AZIN1: variants seen among roughly 807,000 people sequenced by gnomAD.
The protein encoded by AZIN1 is ornithine decarboxylase antizyme inhibitor.
A neutral mutation model predicts 47.4 loss-of-function variants in AZIN1; 12 were observed. The observed-to-expected ratio is 0.25, with a 90% CI of 0.16 to 0.41. AZIN1 has a LOEUF of 0.41. Among genes scored for constraint, AZIN1 ranks in the 10% least tolerant of loss-of-function variants. The probability of loss-of-function intolerance (pLI) is 1.00; values close to 1 mark genes in which losing one functional copy is unlikely to be tolerated. For missense variants in AZIN1, 410 were observed against 532.4 expected (o/e 0.77, Z 2.26); for synonymous variants, 155 against 176.3 (o/e 0.88, Z 0.96).
In AZIN1 at chr8:102,829,887, A is replaced by G; in HGVS notation, c.954T>C (p.Asp318=). Residue 318 remains aspartate (D), a synonymous_variant, in exon 10 of 12, where the codon GAT becomes GAC. Transcript: ENST00000337198. ...TACTTGCAAAAGAACCATAAACACC[A>G]TCATTCATATAATACATGAAGGCTG... is the stretch of plus-strand genomic sequence containing the variant. ...DEPAFMYYMN[D]GVYGSFASKL... The G allele has an allele frequency of 6.2e-7, 1 of 1,613,576 alleles. No individual in the cohort carries two copies. Among genetic ancestry groups the G allele is most frequent in the Non-Finnish European group, 8.5e-7 (1 of 1,179,790 alleles).
intron 6 of AZIN1, 50 bp from the exon 7 acceptor site, chr8:102,834,797 A>C: frequency 8.0e-7 from 1 of 1,255,568 alleles, no homozygotes; most frequent in Non-Finnish European, 1.2e-6. Context: ...TTGTAGAGAC[A>C]CCTCCTGTAA....
intron 9 of AZIN1, among the ~76,000 whole-genome samples, chr8:102,832,843 T>C (rs926524738): frequency 6.6e-6 from 1 of 152,092 alleles, no homozygotes; most frequent in African/African-American, 2.4e-5. Flanking sequence ...GTTTCCACCA[T>C]ATTGGCCAGG....
At chr8:102,833,584 A>C (rs901316634) in intron 8 of AZIN1, among the ~76,000 whole-genome samples, 15 of 151,984 alleles carry the variant, frequency 9.9e-5, no homozygotes, top group African/African-American at 3.6e-4. Context: ...GAAGGTGAGA[A>C]ACAGGTGTGA....
At chr8:102,851,170 GT>G (rs1304702009) in intron 2 of AZIN1, among the ~76,000 whole-genome samples, 3 of 152,158 alleles carry the variant, frequency 2.0e-5, no homozygotes, top group Non-Finnish European at 4.4e-5. Flanking sequence ...CAATTAAGAT[GT>G]GATAACATTA....
At chr8:102,828,796 A>G in intron 11 of AZIN1, 118 bp from the exon 12 acceptor site, 1 of 642,680 alleles carries the variant, frequency 1.6e-6, no homozygotes, top group South Asian at 2.1e-5. Flanking sequence ...TTAAAAGATC[A>G]TCATTTTTCT....
At position 102,829,308 on chromosome 8, in the gene AZIN1, C is replaced by T; in HGVS notation, c.1199G>A (p.Arg400Lys). Residue 400 changes from arginine (R) to lysine (K), a missense_variant, in exon 11 of 12, where the codon AGG becomes AAG. Physicochemically the swap from Arg to Lys is conservative, Grantham distance 26. Coordinates refer to ENST00000337198, the MANE Select transcript of AZIN1 (RefSeq NM_148174.4). ...HEPSAFNDFQ[R>K]PAIYYMMSFS... ...TGACATCATGTAATAAATGGCTGGC[C>T]TCTGAAAATCATTAAAAGCAGATGG... 3 of 1,613,804 alleles carry T rather than the reference C, an allele frequency of 1.9e-6. No individual in the cohort carries two copies. Among genetic ancestry groups the T allele is most frequent in the Non-Finnish European group, 2.5e-6 (3 of 1,179,828 alleles).
intron 4 of AZIN1, among the ~76,000 whole-genome samples, chr8:102,839,275 A>G (rs1478470364): frequency 6.6e-6 from 1 of 152,202 alleles, no homozygotes; most frequent in African/African-American, 2.4e-5. Flanking sequence ...CAGCCTCTCA[A>G]AGTGGTGGGA....
intron 3 of AZIN1, among the ~76,000 whole-genome samples, chr8:102,842,710 AAAAAAAAC>A (rs1324472416): frequency 4.0e-5 from 6 of 151,216 alleles, no homozygotes; most frequent in Middle Eastern, 3.4e-3. Context: ...CCATCTCAAA[AAAAAAAAC>A]AAAAAACAAA....
chr8:102,834,549 GGT>G (rs761427582), intron 7 of AZIN1, 115 bp downstream of exon 7: 8 of 748,626 alleles, frequency 1.1e-5, no homozygotes, highest in South Asian at 1.8e-5. Context: ...ATAAAAATGA[GGT>G]GTGTGTCACG....
intron 5 of AZIN1, among the ~76,000 whole-genome samples, chr8:102,837,712 A>C (rs938424493): frequency 4.6e-5 from 7 of 152,230 alleles, no homozygotes; most frequent in African/African-American, 1.7e-4. Flanking sequence ...TTACCAGAGT[A>C]ATCAATGCTG....
intron 2 of AZIN1, among the ~76,000 whole-genome samples, chr8:102,850,959 T>G (rs1366480019): frequency 6.6e-6 from 1 of 152,156 alleles, no homozygotes; most frequent in Non-Finnish European, 1.5e-5. Flanking sequence ...CCATAAATAT[T>G]AAAATGTAGC....
intron 2 of AZIN1, among the ~76,000 whole-genome samples, chr8:102,847,401 T>A (rs1038225434): frequency 4.0e-5 from 6 of 151,726 alleles, no homozygotes; most frequent in Non-Finnish European, 8.8e-5. Flanking sequence ...TTATTTTCTT[T>A]GATGCTCTCT....
intron 2 of AZIN1, chr8:102,854,575 CG>C (rs1205305002): frequency 6.5e-5 from 8 of 123,662 alleles, no homozygotes; most frequent in Admixed American, 9.2e-5. Flanking sequence ...CCAGCCTGGG[CG>C]AAAGGAGGAG....
chr8:102,856,092 T>TG (rs1441307302), intron 2 of AZIN1: 158 of 144,938 alleles, frequency 1.1e-3, no homozygotes, highest in African/African-American at 3.7e-3. Context: ...AAGTTTTTTT[T>TG]GTTTTTTTTT....
At chr8:102,838,956 A>C (rs766388388) in intron 4 of AZIN1, 40 bp from the exon 5 acceptor site, 1 of 1,562,608 alleles carries the variant, frequency 6.4e-7, no homozygotes, top group African/African-American at 1.4e-5. Context: ...ATAATGTCAC[A>C]GTTCATATTC....
At chr8:102,855,078 G>A (rs190340216) in intron 2 of AZIN1, among the ~76,000 whole-genome samples, 57 of 152,006 alleles carry the variant, frequency 3.7e-4, no homozygotes, top group African/African-American at 1.3e-3. Context: ...TTTTGAGACG[G>A]AGATTTGCTG....
chr8:102,863,585 G>T (rs1813898793), intron 1 of AZIN1, among the ~76,000 whole-genome samples: 1 of 149,942 alleles, frequency 6.7e-6, no homozygotes, highest in African/African-American at 2.4e-5. Context: ...CAAGCGTCCA[G>T]CAGCCGCCCG....
In AZIN1 at chr8:102,840,940, G is replaced by A. The variant is rs935975782; in HGVS notation, c.103-1117C>T. On this transcript the variant is annotated intron_variant, in intron 3 of 11. Coordinates refer to ENST00000337198, the MANE Select transcript of AZIN1 (RefSeq NM_148174.4). The stretch of plus-strand genomic sequence containing the variant: ...ATCTATGGTATTCCGGAGACACAAA[G>A]TTTATATTTAATTTGGGAAAAAATA... 5.3e-5 allele frequency among the ~76,000 whole-genome samples: 8 copies of A among 151,882 alleles called. 1 individual carries two copies. The South Asian group carries it at 1.7e-3, about 32-fold the overall frequency.
rs1253871425 is a variant in AZIN1 at position 102,834,536 on chromosome 8, A to G, written c.666+130T>C. ...ACTGTACAGAGCTCTGAATGCTTAT[A>G]TAATAAAAATGAGGTGTGTGTCACG... is the stretch of plus-strand genomic sequence containing the variant. On this transcript the variant is annotated intron_variant, in intron 7 of 11. Coordinates refer to ENST00000337198, the MANE Select transcript of AZIN1 (RefSeq NM_148174.4). 6 of 705,042 alleles carry G rather than the reference A, an allele frequency of 8.5e-6. No homozygotes were observed. The Admixed American group carries it at 1.8e-4, about 21-fold the overall frequency. 43.7% of individuals were successfully genotyped at this position (705,042 alleles called of 1,614,324 possible).
Sources: gnomAD v4.1 joint callset for allele counts (sites outside exome capture counted in the v4.1 genomes callset) on GRCh38, gnomAD v4.1.1 for gene constraint, MANE v1.5 for transcripts, NCBI Gene and HGNC (gene_info 2026-07-23, HGNC 2026-07-21) for gene names.